The following SORCS2 variants were observed in gnomAD, a reference collection of about 807,000 sequenced individuals.
SORCS2 encodes VPS10 domain-containing receptor SorCS2.
In SORCS2, 100 loss-of-function variants were observed where a neutral mutation model predicts 141.6. That is an observed-to-expected ratio of 0.71 (90% confidence interval 0.60 to 0.83). SORCS2 has a LOEUF of 0.83. Ranked by LOEUF, SORCS2 falls within the 40% of genes least tolerant of loss-of-function variation. SORCS2 has a pLI of 0.00. For missense variants in SORCS2, 1,646 were observed against 1,560.2 expected (o/e 1.05, Z -0.93); for synonymous variants, 789 against 676.9 (o/e 1.17, Z -2.57).
intron 2 of SORCS2, among the ~76,000 whole-genome samples, chr4:7,488,477 C>T (rs1393455545): frequency 6.6e-6 from 1 of 152,194 alleles, no homozygotes; most frequent in Non-Finnish European, 1.5e-5. Flanking sequence ...GCAGGTGCCC[C>T]CTCTACCTGG....
chr4:7,497,444 G>A (rs1161071989), intron 2 of SORCS2, among the ~76,000 whole-genome samples: 1 of 141,634 alleles, frequency 7.1e-6, no homozygotes, highest in Non-Finnish European at 1.6e-5. Context: ...GGGTGAGGCT[G>A]TCTCTTACCC....
At chr4:7,641,919 C>T (rs1720773370) in intron 4 of SORCS2, among the ~76,000 whole-genome samples, 1 of 85,046 alleles carries the variant, frequency 1.2e-5, no homozygotes, top group Non-Finnish European at 2.6e-5. Context: ...GATGTGTGGA[C>T]AGATGGATGG....
At chr4:7,318,822 C>A (rs955577747) in intron 1 of SORCS2, among the ~76,000 whole-genome samples, 1 of 152,074 alleles carries the variant, frequency 6.6e-6, no homozygotes, top group Admixed American at 6.5e-5. Flanking sequence ...ATATCAATAC[C>A]ATCACCATCA....
intron 23 of SORCS2, 116 bp downstream of exon 23, chr4:7,729,828 G>T: frequency 1.4e-6 from 2 of 1,417,824 alleles, no homozygotes; most frequent in Non-Finnish European, 1.9e-6. Context: ...CTTTCTCGCT[G>T]CATCTCAGTC....
intron 14 of SORCS2, among the ~76,000 whole-genome samples, chr4:7,706,713 A>C (rs546947069): frequency 1.6e-5 from 2 of 123,024 alleles, no homozygotes. Context: ...CTCTGCCTGG[A>C]CAGAGATGAG....
At chr4:7,300,504 GA>G (rs1717363451) in intron 1 of SORCS2, among the ~76,000 whole-genome samples, 1 of 152,220 alleles carries the variant, frequency 6.6e-6, no homozygotes, top group African/African-American at 2.4e-5. Flanking sequence ...TGCTTTCAGT[GA>G]TGAAGCGGTG....
intron 12 of SORCS2, among the ~76,000 whole-genome samples, chr4:7,702,136 C>T (rs1291218020): frequency 6.6e-6 from 1 of 152,186 alleles, no homozygotes; most frequent in Non-Finnish European, 1.5e-5. Flanking sequence ...GACGGATGAG[C>T]GTGCTGGCCC....
intron 2 of SORCS2, among the ~76,000 whole-genome samples, chr4:7,448,708 CCCCTCCCTTCTTCCT>C (rs1190150384): frequency 2.2e-5 from 3 of 133,546 alleles, no homozygotes; most frequent in African/African-American, 8.4e-5. Context: ...GCCTTCCTCT[CCCCTCCCTTCTTCCT>C]CCCTCCCTTC....
Position 7,433,405 on chromosome 4 carries a change from C to A in SORCS2, c.548+37050C>A. The A allele has an allele frequency of 6.6e-7, 1 of 1,507,272 alleles. No homozygotes were observed. Among genetic ancestry groups the A allele is most frequent in the Non-Finnish European group, 8.9e-7 (1 of 1,129,492 alleles). 93.4% of individuals were successfully genotyped at this position (1,507,272 alleles called of 1,614,324 possible). ...GTTGCACAGCTTGGCGGCCTCCTGGCTCCTGCACCAGAAGCTTGGGCCCAG... is the reference window on the plus strand; with the variant it reads ...GTTGCACAGCTTGGCGGCCTCCTGGATCCTGCACCAGAAGCTTGGGCCCAG... On this transcript the variant is annotated intron_variant, in intron 2 of 26. Transcript: ENST00000507866.
chr4:7,627,748 G>A (rs1161830178), intron 3 of SORCS2, among the ~76,000 whole-genome samples: 2 of 152,240 alleles, frequency 1.3e-5, no homozygotes, highest in Non-Finnish European at 2.9e-5. Context: ...GTCCACACAA[G>A]AGAAGGTTTC....
At chr4:7,560,808 G>A (rs1714481198) in intron 3 of SORCS2, among the ~76,000 whole-genome samples, 1 of 152,142 alleles carries the variant, frequency 6.6e-6, no homozygotes, top group African/African-American at 2.4e-5. Flanking sequence ...GCTGGGTAAT[G>A]AGGTCTCCAT....
In SORCS2 at chr4:7,193,327, G is replaced by C. The variant is rs4689630; in HGVS notation, c.480+201G>C. On this transcript the variant is annotated intron_variant, in intron 1 of 26. Coordinates refer to ENST00000507866, the MANE Select transcript of SORCS2 (RefSeq NM_020777.3). The surrounding 1 kb of genome is among the most constrained non-coding windows in gnomAD (Gnocchi z 4.8). ...TACTTGGGGAGAGGTCCTCAGATTCGTACGCTTGTCTCACCGCAGGGGACA... is the reference window on the plus strand; with the variant it reads ...TACTTGGGGAGAGGTCCTCAGATTCCTACGCTTGTCTCACCGCAGGGGACA... 6.6e-6 allele frequency among the ~76,000 whole-genome samples: 1 copy of C among 151,994 alleles called. No homozygotes were observed. The highest frequency in any genetic ancestry group is 2.4e-5 in the African/African-American group (1 of 41,366).
At chr4:7,464,319 G>C (rs1384558239) in intron 2 of SORCS2, among the ~76,000 whole-genome samples, 1 of 152,176 alleles carries the variant, frequency 6.6e-6, no homozygotes, top group Admixed American at 6.5e-5. Flanking sequence ...TGGACATTGA[G>C]GGATGAATAG....
At chr4:7,711,723 A>G (rs146236028) in intron 14 of SORCS2, among the ~76,000 whole-genome samples, 63 of 152,336 alleles carry the variant, frequency 4.1e-4, no homozygotes, top group African/African-American at 1.5e-3. Context: ...AGCACAAACA[A>G]GCTGTGTGAC....
intron 3 of SORCS2, among the ~76,000 whole-genome samples, chr4:7,561,580 C>G (rs879787602): frequency 0.028 from 3,020 of 106,690 alleles, 132 homozygotes; most frequent in African/African-American, 0.11. Flanking sequence ...ACCAATCCAT[C>G]TATCCATTCA....
intron 3 of SORCS2, among the ~76,000 whole-genome samples, chr4:7,610,812 A>C (rs1014576378): frequency 6.6e-6 from 1 of 152,194 alleles, no homozygotes; most frequent in Non-Finnish European, 1.5e-5. Flanking sequence ...CCGGGAGCCA[A>C]GGTGGGTGGA....
At chr4:7,315,999 A>G (rs757741843) in intron 1 of SORCS2, among the ~76,000 whole-genome samples, 3 of 151,994 alleles carry the variant, frequency 2.0e-5, no homozygotes, top group Non-Finnish European at 4.4e-5. Flanking sequence ...CCATTCATAT[A>G]TTCATCTATC....
At chr4:7,216,768 G>A (rs1409460257) in intron 1 of SORCS2, among the ~76,000 whole-genome samples, 4 of 152,088 alleles carry the variant, frequency 2.6e-5, no homozygotes, top group South Asian at 4.2e-4. Flanking sequence ...CACCTGCAAC[G>A]TTTCTACAAG....
intron 3 of SORCS2, among the ~76,000 whole-genome samples, chr4:7,633,071 T>C (rs1560441522): frequency 6.6e-6 from 1 of 152,150 alleles, no homozygotes; most frequent in Admixed American, 6.5e-5. Flanking sequence ...CTCAGAAAAT[T>C]TGAAAGAAGC....
Sources: gnomAD v4.1 joint callset for allele counts (sites outside exome capture counted in the v4.1 genomes callset) on GRCh38, gnomAD v4.1.1 for gene constraint, Gnocchi (gnomAD v3.1) non-coding constraint, MANE v1.5 for transcripts, NCBI Gene and HGNC (gene_info 2026-07-23, HGNC 2026-07-21) for gene names.